Variants in FBXO34 observed in about 807,000 individuals in gnomAD.
The protein encoded by FBXO34 is F-box only protein 34.
FBXO34 carries 12 observed loss-of-function variants against 24.5 expected under a neutral mutation model. That is an observed-to-expected ratio of 0.49 (90% confidence interval 0.31 to 0.79). FBXO34 has a LOEUF of 0.79. Among genes scored for constraint, FBXO34 ranks in the 30% least tolerant of loss-of-function variants. The pLI is 0.04. For synonymous variants in FBXO34, 320 were observed against 311.9 expected (o/e 1.03, Z -0.27); for missense variants, 823 against 857.7 (o/e 0.96, Z 0.51).
intron 1 of FBXO34, among the ~76,000 whole-genome samples, chr14:55,328,077 G>A (rs183496883): frequency 3.0e-4 from 46 of 151,484 alleles, no homozygotes; most frequent in Middle Eastern, 3.4e-3. Context: ...TCAGCCTCCC[G>A]AGTAGAGTAG....
chr14:55,277,126 A>G (rs923917457), intron 1 of FBXO34, among the ~76,000 whole-genome samples: 4 of 152,228 alleles, frequency 2.6e-5, no homozygotes, highest in African/African-American at 9.6e-5. Flanking sequence ...CATCACCACA[A>G]AAAGTTCCTT....
chr14:55,416,726 T>G, the FBXO34 span, among the ~76,000 whole-genome samples: 2 of 152,218 alleles, frequency 1.3e-5, no homozygotes, highest in African/African-American at 4.8e-5. Flanking sequence ...ATGGACTTTT[T>G]GGGCTTCTAG....
intron 1 of FBXO34, among the ~76,000 whole-genome samples, chr14:55,272,611 T>TAA (rs776049604): frequency 4.8e-5 from 7 of 145,852 alleles, no homozygotes; most frequent in Non-Finnish European, 1.0e-4. Context: ...GAGTGGATCT[T>TAA]ACATGATTTT....
At chr14:55,369,925 C>A (rs562870380), downstream of FBXO34, 58 of 1,597,836 alleles carry the variant, frequency 3.6e-5, no homozygotes, top group Non-Finnish European at 4.7e-5. Flanking sequence ...AGGGCCCTGA[C>A]CTGTGTGCAG....
chr14:55,328,487 C>T (rs76510038), intron 1 of FBXO34, among the ~76,000 whole-genome samples: 5,402 of 152,272 alleles, frequency 0.035, 125 homozygotes, highest in Non-Finnish European at 0.055. Context: ...GCCTAGACAG[C>T]GTGGATGCCC....
intron 1 of FBXO34, among the ~76,000 whole-genome samples, chr14:55,293,572 C>A (rs1882018323): frequency 6.6e-6 from 1 of 151,170 alleles, no homozygotes; most frequent in Admixed American, 6.6e-5. Context: ...TCTCACTTAT[C>A]TGGAGGTAAG....
chr14:55,400,485 A>G, the FBXO34 span, among the ~76,000 whole-genome samples: 2 of 152,238 alleles, frequency 1.3e-5, no homozygotes, highest in African/African-American at 4.8e-5. Flanking sequence ...ATTTATTTAT[A>G]TAAACCTCTA....
intron 1 of FBXO34, among the ~76,000 whole-genome samples, chr14:55,323,651 G>A (rs1051454709): frequency 1.3e-5 from 2 of 152,112 alleles, no homozygotes; most frequent in Admixed American, 6.5e-5. Flanking sequence ...AAAGTGCTGG[G>A]ATTAAAGGTG....
chr14:55,304,847 T>A (rs1882485500), intron 1 of FBXO34, among the ~76,000 whole-genome samples: 2 of 152,210 alleles, frequency 1.3e-5, no homozygotes, highest in African/African-American at 4.8e-5. Context: ...TGGAGCTCTA[T>A]GAAACAGGTT....
chr14:55,282,382 C>A, intron 1 of FBXO34: 1 of 416,186 alleles, frequency 2.4e-6, no homozygotes, highest in Non-Finnish European at 4.9e-6. Flanking sequence ...TTGATCCTGT[C>A]ATGGATTCAT....
Position 55,316,855 on chromosome 14 carries a change from T to C in FBXO34, c.-10-33526T>C, listed in dbSNP as rs370433348. 4.6e-5 allele frequency among the ~76,000 whole-genome samples: 7 copies of C among 152,344 alleles called. No individual in the cohort carries two copies. The East Asian group carries it at 7.7e-4, about 17-fold the overall frequency. ...GCCTATAAAGTTGATCCTGCTCTCT[T>C]TTTTCCAACTTGTTTTTCTTGTTTT... On this transcript the variant is annotated intron_variant, in intron 1 of 1. Transcript: ENST00000313833.
At chr14:55,339,328 A>G (rs1395969791) in intron 1 of FBXO34, 1 of 150,948 alleles carries the variant, frequency 6.6e-6, no homozygotes, top group Non-Finnish European at 1.5e-5. Flanking sequence ...ATATACTGAC[A>G]TTCAGGAATT....
At chr14:55,434,152 A>T in the FBXO34 span, among the ~76,000 whole-genome samples, 2 of 152,236 alleles carry the variant, frequency 1.3e-5, no homozygotes, top group Non-Finnish European at 2.9e-5. Flanking sequence ...TGGGAAAAAA[A>T]TAAGTATGTT....
At chr14:55,433,626 A>G in the FBXO34 span, 2 of 1,613,560 alleles carry the variant, frequency 1.2e-6, no homozygotes. Context: ...ATGATTCCTC[A>G]TACCTTTTGG....
In FBXO34 at chr14:55,299,027, A is replaced by C. The variant is rs559520251; in HGVS notation, c.-11+27490A>C. ...TGCAGGACATTGCTGACCAGCAAGA[A>C]CTTGGGGAGGAGATTTCAACAGCAA... On this transcript the variant is annotated intron_variant, in intron 1 of 1. Transcript: ENST00000313833. 3 of 1,607,702 alleles carry C rather than the reference A, an allele frequency of 1.9e-6. No homozygotes were observed. In the Admixed American group the frequency reaches 5.0e-5, roughly 27 times the overall value.
the FBXO34 span, among the ~76,000 whole-genome samples, chr14:55,428,063 C>T: frequency 6.7e-6 from 1 of 149,462 alleles, no homozygotes; most frequent in East Asian, 2.0e-4. Flanking sequence ...ATCCATTCTC[C>T]CCTCACCAGC....
At chr14:55,313,485 G>A (rs1212890243) in intron 1 of FBXO34, among the ~76,000 whole-genome samples, 1 of 152,156 alleles carries the variant, frequency 6.6e-6, no homozygotes, top group East Asian at 1.9e-4. Flanking sequence ...TATTTTTATA[G>A]CGCGGTGCCC....
Position 55,351,723 on chromosome 14 carries a change from C to T in FBXO34, c.1333C>T (p.Arg445Ter), listed in dbSNP as rs1415512490. 1.9e-6 allele frequency: 3 copies of T among 1,614,162 alleles called. No homozygotes were observed. Among genetic ancestry groups the T allele is most frequent in the Non-Finnish European group, 2.5e-6 (3 of 1,180,034 alleles). Residue 445 changes from arginine (R) to a stop codon, truncating the protein, a stop_gained, in exon 2 of 2, where the codon CGA (arginine) becomes TGA (stop). Coordinates refer to ENST00000313833, the MANE Select transcript of FBXO34 (RefSeq NM_017943.4). LOFTEE classifies it high-confidence loss of function. ...CAGAGAGCTTGTGTCCCTTACTAGCCGAAATCCTGATCAAAGAAAAGAATC... is the reference window on the plus strand; with the variant it reads ...CAGAGAGCTTGTGTCCCTTACTAGCTGAAATCCTGATCAAAGAAAAGAATC... ...MSRELVSLTS[R>*]NPDQRKESLC...
chr14:55,338,084 C>T (rs1230286097), intron 1 of FBXO34, among the ~76,000 whole-genome samples: 1 of 66,992 alleles, frequency 1.5e-5, no homozygotes, highest in Non-Finnish European at 2.9e-5. Flanking sequence ...GAGTCTCGCT[C>T]TGTCGCCCAG....
Sources: allele counts gnomAD v4.1 joint callset (sites outside exome capture counted in the v4.1 genomes callset), GRCh38; gene constraint gnomAD v4.1.1; transcripts MANE v1.5; gene names NCBI Gene and HGNC (gene_info 2026-07-23, HGNC 2026-07-21).